The following MED12L variants were observed in gnomAD, a reference collection of about 807,000 sequenced individuals.
The protein encoded by MED12L is mediator of RNA polymerase II transcription subunit 12-like protein.
Under a neutral mutation model 281.3 loss-of-function variants are expected in MED12L, and 60 were observed. That is an observed-to-expected ratio of 0.21 (90% CI 0.17 to 0.26). The LOEUF (loss-of-function observed/expected upper bound fraction) is 0.26, where lower values mean the gene tolerates loss of function less well. Ranked by LOEUF, MED12L falls within the 10% of genes least tolerant of loss-of-function variation. The pLI, the probability that MED12L is intolerant of heterozygous loss-of-function variation, is 1.00. For missense variants in MED12L, 2,146 were observed against 2,680.9 expected (o/e 0.80, Z 4.41); for synonymous variants, 974 against 987.2 (o/e 0.99, Z 0.25).
At position 151,158,813 on chromosome 3, in the gene MED12L, C is replaced by T. The variant is rs1201437949; in HGVS notation, c.837+14C>T. 9 of 1,547,718 alleles carry T rather than the reference C, an allele frequency of 5.8e-6. No individual in the cohort carries two copies. Among genetic ancestry groups the T allele is most frequent in the African/African-American group, 1.4e-5 (1 of 73,640 alleles). ...CTAATGCTGCAGGTATAGTACATGT[C>T]CCCTTGAGGCAGTTGGTTTTATGGG... is the stretch of plus-strand genomic sequence containing the variant. On this transcript the variant is annotated intron_variant, in intron 7 of 44. Coordinates refer to ENST00000687756, the MANE Select transcript of MED12L (RefSeq NM_001393769.1).
At chr3:151,110,204 C>T (rs992395651) in intron 2 of MED12L, among the ~76,000 whole-genome samples, 1 of 152,192 alleles carries the variant, frequency 6.6e-6, no homozygotes, top group Admixed American at 6.5e-5. Context: ...TTGGACTCTC[C>T]TCTTTCTATT....
intron 17 of MED12L, among the ~76,000 whole-genome samples, chr3:151,351,451 A>G (rs1753227857): frequency 6.6e-6 from 1 of 152,212 alleles, no homozygotes; most frequent in South Asian, 2.1e-4. Flanking sequence ...TCTCTGAGGA[A>G]GCAACCAAGA....
chr3:151,345,500 CTTTCTTTTTTCTT>C (rs927562245), intron 16 of MED12L, among the ~76,000 whole-genome samples: 3 of 105,486 alleles, frequency 2.8e-5, no homozygotes, highest in Non-Finnish European at 4.2e-5. Flanking sequence ...TCTACGTTTT[CTTTCTTTTTTCTT>C]TTTCTTTTTT....
At chr3:151,245,951 T>C (rs1397436972) in intron 16 of MED12L, among the ~76,000 whole-genome samples, 4 of 151,058 alleles carry the variant, frequency 2.6e-5, no homozygotes, top group Non-Finnish European at 5.9e-5. Context: ...TGTACAAAAA[T>C]CACAAGCATT....
In MED12L at chr3:151,190,719, G is replaced by A. The variant is rs1723864943; in HGVS notation, c.1756G>A (p.Asp586Asn). 6.2e-7 allele frequency: 1 copy of A among 1,613,948 alleles called. No individual in the cohort carries two copies. The highest frequency in any genetic ancestry group is 8.5e-7 in the Non-Finnish European group (1 of 1,179,990). Residue 586 changes from aspartate to asparagine, a missense_variant and splice_region_variant, in exon 14 of 45, where the codon GAC becomes AAC. Physicochemically the swap from Asp to Asn is conservative, Grantham distance 23 (BLOSUM62 1). Transcript: ENST00000687756. ...FLDTQAPSLS[D>N]PNSECEKVEF... is the part of the protein sequence containing the mutation. ...TGATTGAATTTGTTTCTCTATAGCG[G>A]ACCCAAACAGTGAATGTGAAAAGGT...
At position 151,156,226 on chromosome 3, in the gene MED12L, A is replaced by G. The variant is rs918834385; in HGVS notation, c.622A>G (p.Met208Val). 1.9e-6 allele frequency: 3 copies of G among 1,613,478 alleles called. No homozygotes were observed. Among genetic ancestry groups the G allele is most frequent in the African/African-American group, 1.3e-5 (1 of 74,922 alleles). Residue 208 changes from methionine to valine, a missense_variant, in exon 6 of 45, where the codon ATG becomes GTG. Physicochemically the swap from Met to Val is conservative, Grantham distance 21 (BLOSUM62 1). Coordinates refer to ENST00000687756, the MANE Select transcript of MED12L (RefSeq NM_001393769.1). ...GGCCAAGATTTCTGACTTTTACCACATGGCCTCCAGCACGGGCGATGGCCC... is the reference window on the plus strand; with the variant it reads ...GGCCAAGATTTCTGACTTTTACCACGTGGCCTCCAGCACGGGCGATGGCCC... Reference protein sequence around the residue: ...QLAKISDFYHMASSTGDGPVP... With the variant: ...QLAKISDFYHVASSTGDGPVP...
intron 35 of MED12L, 151 bp downstream of exon 35, chr3:151,384,369 G>A (rs1405843514): frequency 2.9e-6 from 2 of 685,680 alleles, no homozygotes; most frequent in African/African-American, 1.9e-5. Context: ...AACCTTATTA[G>A]TACCCAGAAG....
chr3:151,285,283 G>C (rs1365463515), intron 16 of MED12L, among the ~76,000 whole-genome samples: 1 of 152,044 alleles, frequency 6.6e-6, no homozygotes, highest in Non-Finnish European at 1.5e-5. Flanking sequence ...AGGAGATCAA[G>C]ACCATCCTGG....
chr3:151,167,343 A>G (rs1032702316), intron 11 of MED12L, among the ~76,000 whole-genome samples: 2 of 152,212 alleles, frequency 1.3e-5, no homozygotes, highest in Non-Finnish European at 2.9e-5. Flanking sequence ...AGCCTGTGCT[A>G]GGCACTAGGA....
intron 2 of MED12L, among the ~76,000 whole-genome samples, chr3:151,104,758 C>A (rs748863104): frequency 6.6e-6 from 1 of 152,164 alleles, no homozygotes; most frequent in Non-Finnish European, 1.5e-5. Context: ...TATGCAGGGC[C>A]ATCCTCCCTC....
At chr3:151,259,965 A>G (rs893592753) in intron 16 of MED12L, among the ~76,000 whole-genome samples, 2 of 152,200 alleles carry the variant, frequency 1.3e-5, no homozygotes, top group African/African-American at 4.8e-5. Context: ...TATGTGGTAA[A>G]TATTTTCTTC....
intron 16 of MED12L, among the ~76,000 whole-genome samples, chr3:151,196,985 T>C (rs2149125268): frequency 6.6e-6 from 1 of 152,310 alleles, no homozygotes; most frequent in East Asian, 1.9e-4. Flanking sequence ...ATTTTACTAA[T>C]GAAATAAAAA....
intron 16 of MED12L, chr3:151,337,530 G>C: frequency 3.1e-6 from 1 of 318,710 alleles, no homozygotes; most frequent in Non-Finnish European, 5.8e-6. Context: ...ACTCATTTTG[G>C]CAAAACTCTG....
At chr3:151,277,363 T>C (rs556430714) in intron 16 of MED12L, among the ~76,000 whole-genome samples, 1 of 152,356 alleles carries the variant, frequency 6.6e-6, no homozygotes, top group African/African-American at 2.4e-5. Flanking sequence ...TCATAAAATA[T>C]GCCATTTTGG....
Position 151,365,223 on chromosome 3 carries a change from T to C in MED12L, c.3185+17T>C. The C allele has an allele frequency of 1.3e-6, 2 of 1,592,504 alleles. No individual in the cohort carries two copies. Among genetic ancestry groups the C allele is most frequent in the Non-Finnish European group, 1.7e-6 (2 of 1,160,580 alleles). On this transcript the variant is annotated intron_variant, in intron 22 of 44. Transcript: ENST00000687756. Reference sequence around the variant, plus strand: ...TGCTGGCAGGTGAGATGGGTTACCCTGGAATTCATGATTAACCAAAGAGTT... The same window carrying C: ...TGCTGGCAGGTGAGATGGGTTACCCCGGAATTCATGATTAACCAAAGAGTT...
At chr3:151,409,580 A>G (rs1716728154) in intron 40 of MED12L, among the ~76,000 whole-genome samples, 1 of 152,238 alleles carries the variant, frequency 6.6e-6, no homozygotes, top group African/African-American at 2.4e-5. Context: ...TTTATTAGTG[A>G]TGATTATAGA....
chr3:151,382,811 T>G, intron 33 of MED12L, 66 bp downstream of exon 33: 2 of 1,293,318 alleles, frequency 1.5e-6, no homozygotes, highest in Non-Finnish European at 2.2e-6. Flanking sequence ...CCTCCAGCTT[T>G]CCACTTCTCC....
At position 151,368,282 on chromosome 3, in the gene MED12L, T is replaced by A. The variant is rs1755533746; in HGVS notation, c.3550+31T>A. 3.2e-6 allele frequency: 5 copies of A among 1,561,536 alleles called. No homozygotes were observed. In the Middle Eastern group the frequency reaches 8.4e-4, roughly 262 times the overall value. ...CTGACTGCAGAAAAATCTGATTACC[T>A]TTTCATTGGTAGCTAAAGTTTCTAA... On this transcript the variant is annotated intron_variant, in intron 25 of 44. Coordinates refer to ENST00000687756, the MANE Select transcript of MED12L (RefSeq NM_001393769.1).
intron 2 of MED12L, among the ~76,000 whole-genome samples, chr3:151,090,023 C>T (rs770813646): frequency 3.3e-5 from 5 of 152,164 alleles, no homozygotes; most frequent in Non-Finnish European, 5.9e-5. Context: ...GACTTCTCTT[C>T]CCCAGGGCTC....
Sources: allele counts gnomAD v4.1 joint callset (sites outside exome capture counted in the v4.1 genomes callset), GRCh38; gene constraint gnomAD v4.1.1; transcripts MANE v1.5; gene names NCBI Gene and HGNC (gene_info 2026-07-23, HGNC 2026-07-21).